DIDO1: variants seen among roughly 807,000 people sequenced by gnomAD.
DIDO1 encodes death inducer-obliterator 1.
In DIDO1, 16 loss-of-function variants were observed where a neutral mutation model predicts 99.4. That is an observed-to-expected ratio of 0.16 (90% CI 0.11 to 0.24). The LOEUF is 0.24. Among genes scored for constraint, DIDO1 ranks in the 10% least tolerant of loss-of-function variants. The probability of loss-of-function intolerance (pLI) is 1.00; values close to 1 mark genes in which losing one functional copy is unlikely to be tolerated. For missense variants in DIDO1, 2,996 were observed against 3,014.0 expected (o/e 0.99, Z 0.14); for synonymous variants, 1,366 against 1,239.1 (o/e 1.10, Z -2.15).
At chr20:62,886,441 A>G (rs1001610781) in intron 15 of DIDO1, among the ~76,000 whole-genome samples, 1 of 152,222 alleles carries the variant, frequency 6.6e-6, no homozygotes, top group African/African-American at 2.4e-5. Flanking sequence ...ACGCACAGGA[A>G]AAGAACTCAA....
rs2064486849 is a variant in DIDO1 at position 62,894,995 on chromosome 20, A to G, written c.2331+54T>C. On this transcript the variant is annotated intron_variant, in intron 9 of 15. Coordinates refer to ENST00000395343, the MANE Select transcript of DIDO1 (RefSeq NM_001193369.2). This position sits in a 1 kb window ranked among gnomAD's most constrained non-coding sequence, Gnocchi z 4.4. ...CGCTTATGCAGCCGTCTATGAATTT[A>G]TTTCTATTAAGCTCGAGTCCTGGGT... 6.3e-7 allele frequency: 1 copy of G among 1,597,092 alleles called. No homozygotes were observed. Among genetic ancestry groups the G allele is most frequent in the South Asian group, 1.1e-5 (1 of 90,566 alleles).
At position 62,905,892 on chromosome 20, in the gene DIDO1, T is replaced by C. The variant is rs781436546; in HGVS notation, c.1583A>G (p.Tyr528Cys). 6.2e-7 allele frequency: 1 copy of C among 1,614,200 alleles called. No individual in the cohort carries two copies. Among genetic ancestry groups the C allele is most frequent in the Non-Finnish European group, 8.5e-7 (1 of 1,180,034 alleles). Residue 528 changes from tyrosine to cysteine, a missense_variant, in exon 6 of 16, where the codon TAT becomes TGT. By Grantham distance (194) the Tyr-to-Cys change is radical. Transcript: ENST00000395343. The part of the protein sequence containing the change: ...KTAAPSPSLL[Y>C]KSTKEDRRSE... ...AACCCCTAGGTGATACATACATTTA[T>C]ACAACAGTGACGGCGAGGGAGCAGC...
chr20:62,932,454 A>G (rs996785966), intron 1 of DIDO1, among the ~76,000 whole-genome samples: 2 of 152,270 alleles, frequency 1.3e-5, no homozygotes, highest in African/African-American at 4.8e-5. Flanking sequence ...TTTTATAAAA[A>G]AGAAAAGTCA....
chr20:62,911,346 C>A lies in DIDO1; in HGVS notation c.267G>T (p.Met89Ile), dbSNP rs761476428. The A allele has an allele frequency of 1.2e-6, 2 of 1,609,388 alleles. No homozygotes were observed. The highest frequency in any genetic ancestry group is 1.7e-6 in the Non-Finnish European group (2 of 1,179,986). Residue 89 changes from methionine to isoleucine, a missense_variant, in exon 3 of 16, where the codon ATG becomes ATT. Met to Ile is a conservative substitution (Grantham distance 10, BLOSUM62 1). Around this residue, in one of 5 missense-constraint regions of DIDO1, gnomAD observed 388 missense variants for 376.6 expected, o/e 1.03. Coordinates refer to ENST00000395343, the MANE Select transcript of DIDO1 (RefSeq NM_001193369.2). This position sits in a 1 kb window ranked among gnomAD's most constrained non-coding sequence, Gnocchi z 7.0. The stretch of plus-strand genomic sequence containing the variant: ...CACCAGAATCCTCCAGGGAGACAGG[C>A]ATGCTCCTCCTGCCGCGGCGCCGCG... ...TIARRRGRRSMPVSLEDSGEP... is the reference protein window; with the variant it reads ...TIARRRGRRSIPVSLEDSGEP...
chr20:62,910,719 TG>T, intron 3 of DIDO1, 54 bp downstream of exon 3: 2 of 1,551,752 alleles, frequency 1.3e-6, no homozygotes, highest in Non-Finnish European at 1.8e-6. Flanking sequence ...TGAAAACAAA[TG>T]GAAAATTCTG....
chr20:62,881,433 C>T lies in DIDO1; in HGVS notation c.4523G>A (p.Gly1508Glu), dbSNP rs1416923870. ...CACCGAGAAGTGGGCCATGGAGACC[C>T]CGACGGCGGCCCTCTGCTGCCTGAG... ...EALRQQRAAV[G>E]VSMAHFSVSD... is the part of the protein sequence containing the mutation. The change falls in exon 16 of 16, where the codon GGG becomes GAG. Residue 1508 changes from glycine to glutamate, a missense_variant. Gly to Glu is a moderately conservative substitution (Grantham distance 98, BLOSUM62 -2). This residue lies in a region of DIDO1 where 1,562 missense variants were observed against 1,412.6 expected (regional missense o/e 1.11). Transcript: ENST00000395343. The surrounding 1 kb of genome is among the most constrained non-coding windows in gnomAD (Gnocchi z 8.3). 1 of 1,608,800 alleles carries T rather than the reference C, an allele frequency of 6.2e-7. No individual in the cohort carries two copies. The highest frequency in any genetic ancestry group is 8.5e-7 in the Non-Finnish European group (1 of 1,179,986).
intron 3 of DIDO1, among the ~76,000 whole-genome samples, chr20:62,910,533 T>C (rs1600996898): frequency 6.6e-6 from 1 of 152,116 alleles, no homozygotes; most frequent in Admixed American, 6.5e-5. Flanking sequence ...GTGACTGGGG[T>C]GGGGCGCTAT....
At chr20:62,913,836 G>C (rs1192473061) in intron 2 of DIDO1, among the ~76,000 whole-genome samples, 1 of 152,116 alleles carries the variant, frequency 6.6e-6, no homozygotes, top group Admixed American at 6.5e-5. Context: ...TTATAAAACT[G>C]GGTTCTCATT....
At chr20:62,919,094 A>G (rs1469923516) in intron 1 of DIDO1, among the ~76,000 whole-genome samples, 2 of 152,194 alleles carry the variant, frequency 1.3e-5, no homozygotes, top group African/African-American at 4.8e-5. Flanking sequence ...TGCACTCACC[A>G]AACAGGAAAG....
At chr20:62,899,158 C>CCT (rs1392400810) in intron 6 of DIDO1, among the ~76,000 whole-genome samples, 2 of 152,230 alleles carry the variant, frequency 1.3e-5, no homozygotes, top group Non-Finnish European at 2.9e-5. Flanking sequence ...GGCAGACAGA[C>CCT]ACCTGCCGGG....
intron 6 of DIDO1, among the ~76,000 whole-genome samples, chr20:62,901,237 G>A (rs1319442018): frequency 6.6e-6 from 1 of 152,214 alleles, no homozygotes; most frequent in African/African-American, 2.4e-5. Flanking sequence ...CAGCTAGACT[G>A]CCGTGTTTTG....
At chr20:62,922,084 A>G (rs1271060070) in intron 1 of DIDO1, among the ~76,000 whole-genome samples, 1 of 143,876 alleles carries the variant, frequency 7.0e-6, no homozygotes. Context: ...CACTATATAC[A>G]CACTATATAT....
At chr20:62,901,415 A>C (rs2064677693) in intron 6 of DIDO1, among the ~76,000 whole-genome samples, 1 of 152,244 alleles carries the variant, frequency 6.6e-6, no homozygotes, top group African/African-American at 2.4e-5. Context: ...GCCCAGCTGC[A>C]CATGGTGTGT....
intron 14 of DIDO1, 135 bp from the exon 15 acceptor site, chr20:62,891,290 T>G: frequency 7.0e-7 from 1 of 1,425,706 alleles, no homozygotes; most frequent in Non-Finnish European, 9.4e-7. Context: ...AGAGCTGCTG[T>G]CTCAGTGAGG....
rs756044904 is a variant in DIDO1, at chr20:62,910,008, G to A, written c.852C>T (p.Cys284=). Residue 284 remains cysteine (C), a synonymous_variant, in exon 4 of 16, where the codon TGC becomes TGT. Transcript: ENST00000395343. ...GAAACCATTCTTCACAGCGGTCACA[G>A]CAAATCATAAACCTGAAATTATAAA... ...RQPHNNRFMI[C]CDRCEEWFHG... 4.4e-6 allele frequency: 7 copies of A among 1,606,654 alleles called. No homozygotes were observed. The Admixed American group carries it at 1.0e-4, about 23-fold the overall frequency.
chr20:62,887,740 T>C, intron 15 of DIDO1: 2 of 985,448 alleles, frequency 2.0e-6, no homozygotes, highest in Non-Finnish European at 2.4e-6. Context: ...CTCCCTTCCA[T>C]GAACAAGGCC....
rs1441623992 is a variant in DIDO1, at chr20:62,893,613, C to T, written c.3101+53G>A. ...TTTAATCACCAGTTATCTTTCCTTT[C>T]GTTAATCTAAAAAAAAAGTTTGGCT... is the stretch of plus-strand genomic sequence containing the variant. On this transcript the variant is annotated intron_variant, in intron 12 of 15. Transcript: ENST00000395343. 64 of 1,501,438 alleles carry T rather than the reference C, an allele frequency of 4.3e-5. No homozygotes were observed. The East Asian group carries it at 4.6e-4, about 11-fold the overall frequency. The allele number at this position is 1,501,438 out of a possible 1,614,324, so 93.0% of individuals were successfully genotyped here.
chr20:62,883,347 G>A (rs1314043622), intron 15 of DIDO1, among the ~76,000 whole-genome samples: 1 of 152,176 alleles, frequency 6.6e-6, no homozygotes, highest in Non-Finnish European at 1.5e-5. Flanking sequence ...TTAGTCTCTG[G>A]TGTCAGAATT....
At chr20:62,906,998 G>T in intron 5 of DIDO1, 149 bp downstream of exon 5, 3 of 761,848 alleles carry the variant, frequency 3.9e-6, no homozygotes, top group South Asian at 3.3e-5. Context: ...AAAACTGGTG[G>T]GAAGGTGGAA....
Sources: allele counts gnomAD v4.1 joint callset (sites outside exome capture counted in the v4.1 genomes callset), GRCh38; gene constraint gnomAD v4.1.1; regional missense constraint gnomAD v4.1.1; non-coding constraint Gnocchi (gnomAD v3.1); transcripts MANE v1.5; gene names NCBI Gene and HGNC (gene_info 2026-07-23, HGNC 2026-07-21).